GABRB2: variants seen among roughly 807,000 people sequenced by gnomAD.
GABRB2 encodes the protein gamma-aminobutyric acid type A receptor subunit beta2.
In GABRB2, 16 loss-of-function variants were observed where a neutral mutation model predicts 54.7. That is an observed-to-expected ratio of 0.29 (90% CI 0.20 to 0.44). The LOEUF is 0.44. Among genes scored for constraint, GABRB2 ranks in the 20% least tolerant of loss-of-function variants. GABRB2 has a pLI of 1.00. For synonymous variants in GABRB2, 244 were observed against 233.8 expected (o/e 1.04, Z -0.40); for missense variants, 355 against 644.0 (o/e 0.55, Z 4.86).
At chr5:161,471,767 A>C (rs1165488951) in intron 3 of GABRB2, among the ~76,000 whole-genome samples, 2 of 151,986 alleles carry the variant, frequency 1.3e-5, no homozygotes, top group East Asian at 3.9e-4. Flanking sequence ...CCTTGAGATA[A>C]TCAACATTAA....
At chr5:161,541,109 C>T (rs1160688106) in intron 3 of GABRB2, among the ~76,000 whole-genome samples, 2 of 151,660 alleles carry the variant, frequency 1.3e-5, no homozygotes, top group African/African-American at 4.8e-5. Flanking sequence ...GCCTCCCAAA[C>T]TGTTGGAATT....
chr5:161,536,146 C>T (rs1760627412), intron 3 of GABRB2, among the ~76,000 whole-genome samples: 1 of 152,138 alleles, frequency 6.6e-6, no homozygotes, highest in African/African-American at 2.4e-5. Flanking sequence ...CTCAGGTACT[C>T]TGTTGTAGCA....
chr5:161,516,896 T>C (rs765522552), intron 3 of GABRB2, among the ~76,000 whole-genome samples: 2 of 152,152 alleles, frequency 1.3e-5, no homozygotes, highest in Non-Finnish European at 2.9e-5. Flanking sequence ...TACCCATGTC[T>C]ATTAGTTCCC....
At chr5:161,443,093 C>T (rs190760776) in intron 4 of GABRB2, among the ~76,000 whole-genome samples, 1 of 152,146 alleles carries the variant, frequency 6.6e-6, no homozygotes, top group Non-Finnish European at 1.5e-5. Flanking sequence ...ACCTAGAATA[C>T]AGAATTACAC....
At chr5:161,378,753 T>C (rs978725880) in intron 5 of GABRB2, among the ~76,000 whole-genome samples, 1 of 152,016 alleles carries the variant, frequency 6.6e-6, no homozygotes, top group Non-Finnish European at 1.5e-5. Context: ...AGAAGTGAAA[T>C]GCCACGAAAT....
intron 5 of GABRB2, among the ~76,000 whole-genome samples, chr5:161,339,066 T>C (rs912051802): frequency 2.0e-5 from 3 of 152,128 alleles, no homozygotes; most frequent in Non-Finnish European, 4.4e-5. Flanking sequence ...TATCCATATC[T>C]CTCAGTTATG....
At position 161,294,219 on chromosome 5, in the gene GABRB2, C is replaced by T. The variant is rs746150630; in HGVS notation, c.1401G>A (p.Leu467=). ...ERHVAQKKSR[L]RRRASQLKIT... Reference sequence around the variant, plus strand: ...TTTTCAGTTGGGAGGCGCGTCTCCTCAGGCGACTTTTCTTTTGCGCCACAT... The same window carrying T: ...TTTTCAGTTGGGAGGCGCGTCTCCTTAGGCGACTTTTCTTTTGCGCCACAT... Residue 467 remains leucine (L), a synonymous_variant, in exon 10 of 10, where the codon CTG becomes CTA. Coordinates refer to ENST00000393959, the MANE Select transcript of GABRB2 (RefSeq NM_001371727.1). The T allele has an allele frequency of 1.9e-6, 3 of 1,614,148 alleles. No individual in the cohort carries two copies. Among genetic ancestry groups the T allele is most frequent in the Admixed American group, 3.3e-5 (2 of 60,004 alleles).
intron 3 of GABRB2, among the ~76,000 whole-genome samples, chr5:161,486,473 A>C (rs72813581): frequency 0.2 from 31,069 of 151,850 alleles, 3,623 homozygotes; most frequent in Non-Finnish European, 0.27. Context: ...TTGCATTTTA[A>C]TCTCTTACAT....
intron 3 of GABRB2, among the ~76,000 whole-genome samples, chr5:161,535,580 T>C (rs955889368): frequency 6.6e-6 from 1 of 152,188 alleles, no homozygotes; most frequent in Non-Finnish European, 1.5e-5. Flanking sequence ...AAGGCAGTCA[T>C]TTGCTAGCTA....
At chr5:161,319,797 G>A (rs894449912) in intron 9 of GABRB2, among the ~76,000 whole-genome samples, 4 of 151,768 alleles carry the variant, frequency 2.6e-5, no homozygotes, top group Non-Finnish European at 4.4e-5. Context: ...TTATGGGCTA[G>A]ATGCTCTTTT....
chr5:161,343,300 G>A (rs1277348110), intron 5 of GABRB2, among the ~76,000 whole-genome samples: 1 of 151,802 alleles, frequency 6.6e-6, no homozygotes, highest in African/African-American at 2.4e-5. Context: ...TGATTATCTA[G>A]TGGCATCTTA....
intron 9 of GABRB2, among the ~76,000 whole-genome samples, chr5:161,301,410 C>T (rs1437350560): frequency 1.3e-5 from 2 of 151,972 alleles, no homozygotes; most frequent in Non-Finnish European, 2.9e-5. Context: ...AACCACTAAA[C>T]TTTCTTTCTT....
chr5:161,472,805 A>C (rs1019233899), intron 3 of GABRB2, among the ~76,000 whole-genome samples: 1 of 152,122 alleles, frequency 6.6e-6, no homozygotes. Context: ...AAACATGCTC[A>C]GCATAAATTC....
intron 4 of GABRB2, among the ~76,000 whole-genome samples, chr5:161,431,724 C>T (rs1411187463): frequency 6.6e-6 from 1 of 152,120 alleles, no homozygotes; most frequent in African/African-American, 2.4e-5. Flanking sequence ...ATGCAAACCA[C>T]ACAGACAGAT....
chr5:161,444,471 A>T (rs981144730), intron 4 of GABRB2, among the ~76,000 whole-genome samples: 4 of 152,186 alleles, frequency 2.6e-5, no homozygotes, highest in African/African-American at 9.6e-5. Flanking sequence ...ATTCTACCAC[A>T]GTACAATTCC....
chr5:161,530,440 G>T (rs1760419240), intron 3 of GABRB2, among the ~76,000 whole-genome samples: 1 of 152,068 alleles, frequency 6.6e-6, no homozygotes, highest in Admixed American at 6.6e-5. Context: ...TAGACAGGAA[G>T]AGGTTTATGG....
At chr5:161,525,341 T>C (rs1382235487) in intron 3 of GABRB2, among the ~76,000 whole-genome samples, 1 of 151,436 alleles carries the variant, frequency 6.6e-6, no homozygotes, top group Non-Finnish European at 1.5e-5. Flanking sequence ...TTCCAATGTA[T>C]ATCTTTGAAG....
intron 3 of GABRB2, among the ~76,000 whole-genome samples, chr5:161,504,756 T>TA (rs554554929): frequency 0.075 from 9,913 of 132,144 alleles, 452 homozygotes; most frequent in Middle Eastern, 0.11. Context: ...TATCTGGAAT[T>TA]AAAAAAAAAA....
chr5:161,405,377 G>T (rs963976603), intron 5 of GABRB2, among the ~76,000 whole-genome samples: 3 of 152,012 alleles, frequency 2.0e-5, no homozygotes, highest in African/African-American at 4.8e-5. Flanking sequence ...GATAACAGCT[G>T]CTACTTATGG....
Sources: allele counts gnomAD v4.1 joint callset (sites outside exome capture counted in the v4.1 genomes callset), GRCh38; gene constraint gnomAD v4.1.1; transcripts MANE v1.5; gene names NCBI Gene and HGNC (gene_info 2026-07-23, HGNC 2026-07-21).